Variants in TMEM51 observed in about 807,000 individuals in gnomAD.
TMEM51 encodes transmembrane protein 51, also known as chromosome 1 open reading frame 72.
TMEM51 carries 8 observed loss-of-function variants against 13.6 expected under a neutral mutation model. The ratio of observed to expected loss-of-function variants is 0.59; its 90% CI spans 0.35 to 1.07. TMEM51 has a LOEUF of 1.07. TMEM51 is among the 50% of genes least tolerant of loss of function. The pLI, the probability that TMEM51 is intolerant of heterozygous loss-of-function variation, is 0.02. For missense variants in TMEM51, 279 were observed against 330.7 expected (o/e 0.84, Z 1.21); for synonymous variants, 147 against 144.4 (o/e 1.02, Z -0.13).
intron 1 of TMEM51, among the ~76,000 whole-genome samples, chr1:15,197,285 T>C (rs1180530331): frequency 6.6e-6 from 1 of 152,172 alleles, no homozygotes; most frequent in Non-Finnish European, 1.5e-5. Context: ...CAAAGTCATA[T>C]GGACTGAGAA....
intron 1 of TMEM51, among the ~76,000 whole-genome samples, chr1:15,205,755 G>A (rs1377531312): frequency 1.3e-5 from 2 of 152,118 alleles, no homozygotes; most frequent in Non-Finnish European, 2.9e-5. Context: ...AGAGGGCCTG[G>A]CACAGAATTG....
chr1:15,196,347 G>A (rs757487607), intron 1 of TMEM51, among the ~76,000 whole-genome samples: 13 of 152,172 alleles, frequency 8.5e-5, no homozygotes, highest in Admixed American at 5.2e-4. Flanking sequence ...ACACCACAGC[G>A]ATGGGCCGTG....
In TMEM51 at chr1:15,219,920, C is replaced by T. The variant is rs1335885277; in HGVS notation, c.*177C>T. 4 of 664,248 alleles carry T rather than the reference C, an allele frequency of 6.0e-6. No individual in the cohort carries two copies. Among genetic ancestry groups the T allele is most frequent in the Admixed American group, 3.0e-5 (1 of 33,840 alleles). 41.1% of individuals were successfully genotyped at this position (664,248 alleles called of 1,614,324 possible). A position where few individuals can be genotyped will look rare whatever the true frequency, so the allele number is the denominator to read the frequency against. On this transcript the variant is annotated 3_prime_UTR_variant, in exon 4 of 4. Coordinates refer to ENST00000376008, the MANE Select transcript of TMEM51 (RefSeq NM_001136218.2). ...TCAGGAGTGACTTTGTTGCCCCACA[C>T]AGCCTCCTGCTGCAGGTGCTTTGGA...
chr1:15,199,053 G>T (rs76396819), intron 1 of TMEM51, among the ~76,000 whole-genome samples: 1 of 152,152 alleles, frequency 6.6e-6, no homozygotes, highest in Admixed American at 6.5e-5. Flanking sequence ...CTTCTCTATA[G>T]ACAGTGAGGC....
chr1:15,195,354 C>T (rs746773708), intron 1 of TMEM51, among the ~76,000 whole-genome samples: 4 of 151,948 alleles, frequency 2.6e-5, no homozygotes, highest in South Asian at 2.1e-4. Flanking sequence ...CATCTCAACA[C>T]GTAATTAATA....
chr1:15,192,274 G>A (rs1359056715), intron 1 of TMEM51: 1 of 355,084 alleles, frequency 2.8e-6, no homozygotes, highest in East Asian at 6.3e-5. Context: ...GGGGTTTGAA[G>A]GGAGTTGATT....
At chr1:15,217,116 G>T (rs937270500) in intron 3 of TMEM51, among the ~76,000 whole-genome samples, 1 of 152,166 alleles carries the variant, frequency 6.6e-6, no homozygotes, top group African/African-American at 2.4e-5. Context: ...CCACTGTGGA[G>T]AAGTTTAGAG....
chr1:15,170,296 G>C (rs993179199), intron 1 of TMEM51, among the ~76,000 whole-genome samples: 1 of 151,294 alleles, frequency 6.6e-6, no homozygotes, highest in African/African-American at 2.4e-5. Context: ...CCTCTCCCCC[G>C]GCCCTCTGCT....
intron 1 of TMEM51, among the ~76,000 whole-genome samples, chr1:15,164,790 CTTT>C (rs55802835): frequency 7.9e-6 from 1 of 126,462 alleles, no homozygotes; most frequent in African/African-American, 3.0e-5. Context: ...GGGAGCTTTG[CTTT>C]TTTTTTTTTT....
chr1:15,154,737 A>G (rs1469293029), intron 1 of TMEM51, among the ~76,000 whole-genome samples: 2 of 151,906 alleles, frequency 1.3e-5, no homozygotes, highest in East Asian at 3.9e-4. Flanking sequence ...GGGGCGAGAG[A>G]CCTGGCCCCT....
chr1:15,219,006 A>T (rs1319280853), intron 3 of TMEM51, among the ~76,000 whole-genome samples: 1 of 152,168 alleles, frequency 6.6e-6, no homozygotes, highest in Non-Finnish European at 1.5e-5. Context: ...CCACTGGCTC[A>T]CCCTTGAATT....
intron 1 of TMEM51, among the ~76,000 whole-genome samples, chr1:15,172,651 G>C (rs1025191025): frequency 6.6e-6 from 1 of 152,202 alleles, no homozygotes; most frequent in Admixed American, 6.5e-5. Flanking sequence ...TTGTCTACAA[G>C]AGTTCCTCCT....
At position 15,173,725 on chromosome 1, in the gene TMEM51, C is replaced by G. The variant is rs368764447; in HGVS notation, c.-267+19771C>G. Among the ~76,000 whole-genome samples, 13 of 151,168 alleles carry G rather than the reference C, an allele frequency of 8.6e-5. No individual in the cohort carries two copies. In the South Asian group the frequency reaches 2.5e-3, roughly 29 times the overall value. ...ATTCATCTGTCAAAGAAGAGCCTTTCAACTTCTAGTTCTGTTTATCTAAAA... is the reference window on the plus strand; with the variant it reads ...ATTCATCTGTCAAAGAAGAGCCTTTGAACTTCTAGTTCTGTTTATCTAAAA... On this transcript the variant is annotated intron_variant, in intron 1 of 3. Transcript: ENST00000376008.
At chr1:15,182,364 G>A (rs887845487) in intron 1 of TMEM51, among the ~76,000 whole-genome samples, 1 of 152,060 alleles carries the variant, frequency 6.6e-6, no homozygotes. Flanking sequence ...TAGCCATGGC[G>A]CCTGCCCAAT....
At chr1:15,203,501 T>C (rs1383414691) in intron 1 of TMEM51, among the ~76,000 whole-genome samples, 2 of 152,086 alleles carry the variant, frequency 1.3e-5, no homozygotes, top group East Asian at 3.9e-4. Context: ...GACCTCATGA[T>C]CCACCCGCAT....
intron 1 of TMEM51, among the ~76,000 whole-genome samples, chr1:15,166,653 A>G (rs1308035562): frequency 6.6e-6 from 1 of 152,162 alleles, no homozygotes. Flanking sequence ...CAGGAGGCGG[A>G]GGTTGTAGTG....
At chr1:15,197,648 A>G (rs932912757) in intron 1 of TMEM51, among the ~76,000 whole-genome samples, 2 of 140,468 alleles carry the variant, frequency 1.4e-5, no homozygotes, top group African/African-American at 5.1e-5. Flanking sequence ...TGCTCCGATT[A>G]TGGGCACAGG....
intron 3 of TMEM51, 61 bp downstream of exon 3, chr1:15,215,492 A>C (rs1573454194): frequency 7.1e-7 from 1 of 1,402,116 alleles, no homozygotes; most frequent in East Asian, 2.5e-5. Flanking sequence ...GCATGCACAC[A>C]CATGTTCACA....
At chr1:15,200,948 G>C (rs558224187) in intron 1 of TMEM51, among the ~76,000 whole-genome samples, 2 of 152,196 alleles carry the variant, frequency 1.3e-5, no homozygotes, top group Admixed American at 6.5e-5. Flanking sequence ...TCGTGGGAGT[G>C]GGGGGCCCGG....
Sources: gnomAD v4.1 joint callset for allele counts (sites outside exome capture counted in the v4.1 genomes callset) on GRCh38, gnomAD v4.1.1 for gene constraint, MANE v1.5 for transcripts, NCBI Gene and HGNC (gene_info 2026-07-23, HGNC 2026-07-21) for gene names.